The following MAPK14 variants were observed in gnomAD, a reference collection of about 807,000 sequenced individuals.
MAPK14 encodes mitogen-activated protein kinase 14.
Under a neutral mutation model 49.6 loss-of-function variants are expected in MAPK14, and 16 were observed. The ratio of observed to expected loss-of-function variants is 0.32; its 90% CI spans 0.22 to 0.49. The LOEUF (loss-of-function observed/expected upper bound fraction) is 0.49. MAPK14 is among the 20% of genes least tolerant of loss of function. The pLI is 0.99. For synonymous variants in MAPK14, 142 were observed against 158.0 expected, an observed-to-expected ratio of 0.90 and a Z score of 0.76; for missense variants, 200 against 441.2, an observed-to-expected ratio of 0.45 and a Z score of 4.90.
chr6:36,090,474 G>C (rs563716999), intron 8 of MAPK14, among the ~76,000 whole-genome samples: 1 of 151,116 alleles, frequency 6.6e-6, no homozygotes, highest in Admixed American at 6.6e-5. Context: ...CTACCAAAAT[G>C]TTGGGATTAC....
At chr6:36,102,502 C>T (rs1765670209) in intron 9 of MAPK14, 69 bp from the exon 10 acceptor site, 4 of 1,199,804 alleles carry the variant, frequency 3.3e-6, no homozygotes, top group Non-Finnish European at 4.9e-6. Flanking sequence ...CTTAGCAGGA[C>T]CAAGATTCTT....
At chr6:36,049,252 C>T (rs2127413527) in intron 1 of MAPK14, among the ~76,000 whole-genome samples, 1 of 152,262 alleles carries the variant, frequency 6.6e-6, no homozygotes, top group East Asian at 1.9e-4. Flanking sequence ...GTATATTAAT[C>T]ACCTGGAAAT....
At chr6:36,077,451 A>G (rs993735434) in intron 8 of MAPK14, among the ~76,000 whole-genome samples, 2 of 150,538 alleles carry the variant, frequency 1.3e-5, no homozygotes, top group African/African-American at 2.4e-5. Flanking sequence ...TAGACATGCT[A>G]CCTCTGATCT....
intron 3 of MAPK14, among the ~76,000 whole-genome samples, chr6:36,061,470 CCATT>C (rs895828408): frequency 1.3e-5 from 2 of 152,216 alleles, no homozygotes; most frequent in African/African-American, 2.4e-5. Context: ...ATTCATTCAA[CCATT>C]CATTCATTCA....
rs201010037 is a variant in MAPK14, at chr6:36,076,517, C to G, written c.611-20C>G. 1.3e-6 allele frequency: 2 copies of G among 1,591,842 alleles called. No homozygotes were observed. Among genetic ancestry groups the G allele is most frequent in the South Asian group, 1.1e-5 (1 of 90,516 alleles). The stretch of plus-strand genomic sequence containing the variant: ...AACAGTGACATTGCATATACTTTTA[C>G]TTCTTTTTAATTTTGCCAGTTGATA... On this transcript the variant is annotated intron_variant, in intron 7 of 11. Transcript: ENST00000229794.
At chr6:36,119,537 A>G in the MAPK14 span, among the ~76,000 whole-genome samples, 1 of 152,232 alleles carries the variant, frequency 6.6e-6, no homozygotes, top group African/African-American at 2.4e-5. Context: ...GGGGAATAGG[A>G]AATAAACTGC....
At chr6:36,078,346 C>T (rs1562132658) in intron 8 of MAPK14, among the ~76,000 whole-genome samples, 1 of 152,212 alleles carries the variant, frequency 6.6e-6, no homozygotes, top group Non-Finnish European at 1.5e-5. Context: ...AAACAGATTA[C>T]CCCTTCACCT....
chr6:36,082,039 A>G (rs1401984794), intron 8 of MAPK14, among the ~76,000 whole-genome samples: 3 of 152,150 alleles, frequency 2.0e-5, no homozygotes, highest in Non-Finnish European at 2.9e-5. Context: ...TTGTTGATAT[A>G]TAGAAACCAA....
At chr6:36,060,852 G>T (rs962032088) in intron 3 of MAPK14, among the ~76,000 whole-genome samples, 1 of 152,212 alleles carries the variant, frequency 6.6e-6, no homozygotes, top group Non-Finnish European at 1.5e-5. Context: ...TAAGAGAGGA[G>T]AATTTGGTCC....
chr6:36,056,274 G>C (rs1438393714), intron 2 of MAPK14, among the ~76,000 whole-genome samples: 1 of 152,186 alleles, frequency 6.6e-6, no homozygotes, highest in African/African-American at 2.4e-5. Context: ...ATGATCCACA[G>C]TGGGTCAGCC....
chr6:36,099,904 G>A (rs1254922961), intron 9 of MAPK14, among the ~76,000 whole-genome samples: 1 of 152,222 alleles, frequency 6.6e-6, no homozygotes, highest in Non-Finnish European at 1.5e-5. Flanking sequence ...TCAAGGGGCA[G>A]TCTGTTTCCA....
At chr6:36,050,975 G>A (rs188996707) in intron 1 of MAPK14, among the ~76,000 whole-genome samples, 121 of 152,240 alleles carry the variant, frequency 7.9e-4, no homozygotes, top group African/African-American at 2.9e-3. Flanking sequence ...ACTGGAGTAG[G>A]TACAGAGTTG....
At chr6:36,040,574 G>A (rs769209879) in intron 1 of MAPK14, among the ~76,000 whole-genome samples, 4 of 152,204 alleles carry the variant, frequency 2.6e-5, no homozygotes, top group Admixed American at 6.5e-5. Flanking sequence ...TAATGGATGG[G>A]AGAACTTGCA....
intron 8 of MAPK14, 97 bp from the exon 9 acceptor site, chr6:36,095,890 C>A: frequency 1.4e-6 from 1 of 739,404 alleles, no homozygotes; most frequent in Non-Finnish European, 2.3e-6. Context: ...CATTTTTGTT[C>A]TCGGTGTGTT....
At chr6:36,067,325 C>T (rs1215404609) in intron 3 of MAPK14, among the ~76,000 whole-genome samples, 1 of 152,144 alleles carries the variant, frequency 6.6e-6, no homozygotes, top group Non-Finnish European at 1.5e-5. Context: ...CCTGTGTGTT[C>T]TCCATCACCG....
chr6:36,102,380 AAAG>A, intron 9 of MAPK14, among the ~76,000 whole-genome samples, 188 bp from the exon 10 acceptor site: 1 of 114,508 alleles, frequency 8.7e-6, no homozygotes, highest in East Asian at 2.5e-4. Context: ...TAGCAGGAAT[AAAG>A]AAGGTGATGA....
chr6:36,094,309 T>G (rs1765364002), intron 8 of MAPK14, among the ~76,000 whole-genome samples: 1 of 152,218 alleles, frequency 6.6e-6, no homozygotes. Context: ...TGGCGCACCT[T>G]TTCTGAAAGG....
intron 1 of MAPK14, among the ~76,000 whole-genome samples, chr6:36,051,471 G>A (rs2127416000): frequency 6.6e-6 from 1 of 152,218 alleles, no homozygotes; most frequent in South Asian, 2.1e-4. Context: ...CCATGATCTA[G>A]CTGCTGCCTG....
intron 1 of MAPK14, among the ~76,000 whole-genome samples, chr6:36,033,892 T>G (rs1233539796): frequency 3.9e-5 from 6 of 152,224 alleles, no homozygotes; most frequent in Admixed American, 2.0e-4. Context: ...TAAAGTGTTT[T>G]CATTCAAAGC....
Sources: gnomAD v4.1 joint callset for allele counts (sites outside exome capture counted in the v4.1 genomes callset) on GRCh38, gnomAD v4.1.1 for gene constraint, MANE v1.5 for transcripts, NCBI Gene and HGNC (gene_info 2026-07-23, HGNC 2026-07-21) for gene names.